DIAPH2: variants seen among roughly 807,000 people sequenced by gnomAD.
DIAPH2 encodes diaphanous related formin 2.
In DIAPH2, 35 loss-of-function variants were observed where a neutral mutation model predicts 92.7. That is an observed-to-expected ratio of 0.38 (90% confidence interval 0.29 to 0.50). The LOEUF is 0.50. Ranked by LOEUF, DIAPH2 falls within the 20% of genes least tolerant of loss-of-function variation. The probability of loss-of-function intolerance (pLI) is 0.94; values close to 1 mark genes in which losing one functional copy is unlikely to be tolerated. For missense variants in DIAPH2, 701 were observed against 819.5 expected, an observed-to-expected ratio of 0.86 and a Z score of 1.77; for synonymous variants, 301 against 280.4, an observed-to-expected ratio of 1.07 and a Z score of -0.73.
At chrX:97,455,873 C>A (rs2070399393) in intron 26 of DIAPH2, among the ~76,000 whole-genome samples, 1 of 111,811 alleles carries the variant, frequency 8.9e-6, no homozygotes, top group East Asian at 2.8e-4. Flanking sequence ...TTTCTCTATT[C>A]TCTGTAGTCC....
At chrX:96,731,741 A>C (rs1305877542) in intron 1 of DIAPH2, among the ~76,000 whole-genome samples, 1 of 111,753 alleles carries the variant, frequency 8.9e-6, no homozygotes, top group East Asian at 2.8e-4. Context: ...TTATAGTTAC[A>C]CAATATTCAT....
chrX:97,246,060 G>T (rs1399933940), intron 22 of DIAPH2, among the ~76,000 whole-genome samples: 2 of 106,975 alleles, frequency 1.9e-5, no homozygotes, highest in Non-Finnish European at 3.9e-5. Flanking sequence ...CCACCACCAG[G>T]CCTGGCTAAT....
At position 96,717,816 on chromosome X, in the gene DIAPH2, G is replaced by GTATATA. The variant is rs61272505; in HGVS notation, c.133-17904_133-17899dup. ...GTTTTTTAATTTTTGTGGGTATATA[G>GTATATA]TATATATATATATATATATATATAT... On this transcript the variant is annotated intron_variant, in intron 1 of 26. Transcript: ENST00000324765. Among the ~76,000 whole-genome samples the GTATATA allele has an allele frequency of 8.9e-3, 322 of 36,360 alleles. 5 individuals carry two copies. Among genetic ancestry groups the GTATATA allele is most frequent in the Non-Finnish European group, 0.014 (251 of 18,399 alleles). 31.6% of individuals were successfully genotyped at this position (36,360 alleles called of 115,157 possible).
intron 17 of DIAPH2, among the ~76,000 whole-genome samples, chrX:96,980,486 A>G (rs2065989015): frequency 9.0e-6 from 1 of 110,552 alleles, no homozygotes; most frequent in Non-Finnish European, 1.9e-5. Flanking sequence ...GATGGGGGGC[A>G]GGGTGGGTCA....
At chrX:97,173,050 C>A (rs1054557122) in intron 22 of DIAPH2, among the ~76,000 whole-genome samples, 2 of 112,534 alleles carry the variant, frequency 1.8e-5, no homozygotes, top group African/African-American at 6.4e-5. Flanking sequence ...AAAGTAAAAT[C>A]TCTGCCATTG....
At chrX:97,358,868 AT>A (rs2069294868) in intron 24 of DIAPH2, among the ~76,000 whole-genome samples, 1 of 112,142 alleles carries the variant, frequency 8.9e-6, no homozygotes, top group East Asian at 2.8e-4. Flanking sequence ...AAGTATTTAG[AT>A]TGTGAATTTG....
At chrX:97,021,298 A>G (rs919428521) in intron 17 of DIAPH2, among the ~76,000 whole-genome samples, 4 of 111,668 alleles carry the variant, frequency 3.6e-5, no homozygotes, top group African/African-American at 1.3e-4. Flanking sequence ...TCCTGGGCTC[A>G]GGTGATCCTC....
intron 1 of DIAPH2, among the ~76,000 whole-genome samples, chrX:96,720,969 A>T (rs2063985243): frequency 9.0e-6 from 1 of 111,410 alleles, no homozygotes; most frequent in South Asian, 3.8e-4. Context: ...CCTTGTCCTG[A>T]TTCCATTCAG....
chrX:96,921,182 T>C (rs1038091583), intron 9 of DIAPH2, among the ~76,000 whole-genome samples: 3 of 111,830 alleles, frequency 2.7e-5, no homozygotes, highest in African/African-American at 6.5e-5. Flanking sequence ...ATATACATTT[T>C]CCCCCCTTTT....
At chrX:96,886,688 G>C (rs2065264472) in intron 5 of DIAPH2, among the ~76,000 whole-genome samples, 1 of 111,183 alleles carries the variant, frequency 9.0e-6, no homozygotes, top group African/African-American at 3.3e-5. Context: ...CCTGTCCTAG[G>C]GAAAATCATA....
At chrX:97,169,892 A>G in intron 22 of DIAPH2, among the ~76,000 whole-genome samples, 1 of 111,995 alleles carries the variant, frequency 8.9e-6, no homozygotes, top group South Asian at 3.7e-4. Context: ...AAAAGTACCC[A>G]AAACAAACAA....
chrX:96,989,557 T>G (rs1417793811), intron 17 of DIAPH2, among the ~76,000 whole-genome samples: 1 of 112,076 alleles, frequency 8.9e-6, no homozygotes, highest in Non-Finnish European at 1.9e-5. Flanking sequence ...TTTAGCACCA[T>G]TATAATAACC....
Position 96,902,050 on chromosome X carries a change from A to G in DIAPH2, c.588-10278A>G, listed in dbSNP as rs1370143866. 6.3e-5 allele frequency among the ~76,000 whole-genome samples: 7 copies of G among 111,921 alleles called. No homozygotes were observed. In the East Asian group the frequency reaches 2.0e-3, roughly 31 times the overall value. On this transcript the variant is annotated intron_variant, in intron 5 of 26. Transcript: ENST00000324765. ...TCTTAGTTTCATTGTTAACCCAAAA[A>G]TCATTCAAAACCAGACTAATTTCCA...
chrX:97,142,269 A>G (rs2067213439), intron 22 of DIAPH2, among the ~76,000 whole-genome samples: 1 of 111,760 alleles, frequency 8.9e-6, no homozygotes, highest in Non-Finnish European at 1.9e-5. Flanking sequence ...TATAGTTGAG[A>G]TGAGGAGGAA....
At chrX:97,012,103 T>C (rs2066231322) in intron 17 of DIAPH2, among the ~76,000 whole-genome samples, 1 of 110,529 alleles carries the variant, frequency 9.0e-6, no homozygotes. Context: ...TCATTTTGGA[T>C]AGTGATATTG....
intron 4 of DIAPH2, among the ~76,000 whole-genome samples, chrX:96,836,727 T>A (rs1204272744): frequency 4.0e-4 from 22 of 54,496 alleles, no homozygotes; most frequent in African/African-American, 1.9e-3. Context: ...ATTTTTTTTT[T>A]TTTTTTTTTT....
intron 12 of DIAPH2, among the ~76,000 whole-genome samples, chrX:96,940,673 T>G (rs1219178743): frequency 2.7e-5 from 3 of 112,003 alleles, no homozygotes; most frequent in African/African-American, 9.7e-5. Context: ...TACAGAGAGA[T>G]AAAAAATGTT....
At chrX:97,589,027 A>ATATATATATATATATATATATATATAT (rs748240865) in intron 26 of DIAPH2, among the ~76,000 whole-genome samples, 2 of 85,110 alleles carry the variant, frequency 2.3e-5, no homozygotes, top group Admixed American at 1.4e-4. Context: ...ATATATATAT[A>ATATATATATATATATATATATATATAT]AAAGAATCAG....
At chrX:96,886,761 A>T (rs2147754154) in intron 5 of DIAPH2, among the ~76,000 whole-genome samples, 1 of 111,253 alleles carries the variant, frequency 9.0e-6, no homozygotes, top group East Asian at 2.8e-4. Flanking sequence ...AGTCTAGCAG[A>T]TACAATATTC....
Sources: gnomAD v4.1 joint callset for allele counts (sites outside exome capture counted in the v4.1 genomes callset) on GRCh38, gnomAD v4.1.1 for gene constraint, MANE v1.5 for transcripts, NCBI Gene and HGNC (gene_info 2026-07-23, HGNC 2026-07-21) for gene names.